The following KIAA1217 variants were observed in gnomAD, a reference collection of about 807,000 sequenced individuals.
The protein encoded by KIAA1217 is KIAA1217.
KIAA1217 carries 88 observed loss-of-function variants against 163.9 expected under a neutral mutation model. The observed-to-expected ratio is 0.54, with a 90% confidence interval of 0.45 to 0.64. KIAA1217 has a LOEUF of 0.64. Ranked by LOEUF, KIAA1217 falls within the 30% of genes least tolerant of loss-of-function variation. KIAA1217 has a pLI of 0.00. For missense variants in KIAA1217, 2,372 were observed against 2,475.0 expected (o/e 0.96, Z 0.88); for synonymous variants, 903 against 923.1 (o/e 0.98, Z 0.39).
chr10:23,751,404 G>A (rs184677333), intron 1 of KIAA1217, among the ~76,000 whole-genome samples: 95 of 152,242 alleles, frequency 6.2e-4, no homozygotes, highest in African/African-American at 2.1e-3. Flanking sequence ...ATTCAATCAC[G>A]TATTTTAATA....
At chr10:23,882,486 T>C (rs1248459675) in intron 1 of KIAA1217, among the ~76,000 whole-genome samples, 1 of 151,946 alleles carries the variant, frequency 6.6e-6, no homozygotes, top group East Asian at 1.9e-4. Context: ...AACACGGTTT[T>C]ACACTCCCTC....
At chr10:23,719,874 A>T (rs1837773182) in intron 1 of KIAA1217, among the ~76,000 whole-genome samples, 1 of 152,102 alleles carries the variant, frequency 6.6e-6, no homozygotes, top group South Asian at 2.1e-4. Flanking sequence ...AGATCGCGCC[A>T]CTGCACTCCA....
chr10:23,926,431 G>C (rs1400966938), intron 1 of KIAA1217, among the ~76,000 whole-genome samples: 4 of 152,158 alleles, frequency 2.6e-5, no homozygotes, highest in East Asian at 1.9e-4. Context: ...CATTAGTCCT[G>C]TTTCAAAGGT....
At chr10:23,721,946 C>T (rs1036355813) in intron 1 of KIAA1217, among the ~76,000 whole-genome samples, 1 of 151,608 alleles carries the variant, frequency 6.6e-6, no homozygotes, top group Non-Finnish European at 1.5e-5. Flanking sequence ...TCCAAGTGTC[C>T]CATTGATGGA....
chr10:24,097,168 G>A (rs2062197579), intron 2 of KIAA1217, among the ~76,000 whole-genome samples: 1 of 152,192 alleles, frequency 6.6e-6, no homozygotes, highest in South Asian at 2.1e-4. Context: ...ATATAGCCTG[G>A]ATTAGAATGG....
Position 24,466,858 on chromosome 10 carries a change from C to T in KIAA1217, c.847-6370C>T, listed in dbSNP as rs1487440272. Reference sequence around the variant, plus strand: ...ATTCCATTTCAGTTTTCTCTGCTTACTTCATTGTGTGGTCTGATTGAGTGG... The same window carrying T: ...ATTCCATTTCAGTTTTCTCTGCTTATTTCATTGTGTGGTCTGATTGAGTGG... On this transcript the variant is annotated intron_variant, in intron 5 of 20. Transcript: ENST00000376454. 7 of 900,788 alleles carry T rather than the reference C, an allele frequency of 7.8e-6. No homozygotes were observed. The African/African-American group carries it at 9.0e-5, about 12-fold the overall frequency. 55.8% of individuals were successfully genotyped at this position (900,788 alleles called of 1,614,324 possible).
chr10:23,985,405 C>A (rs1180102006), intron 1 of KIAA1217, among the ~76,000 whole-genome samples: 2 of 152,170 alleles, frequency 1.3e-5, no homozygotes, highest in African/African-American at 4.8e-5. Context: ...ATTCTGCCAA[C>A]CTTTTGCCTC....
chr10:24,485,827 C>T (rs1315813333), intron 6 of KIAA1217, among the ~76,000 whole-genome samples: 1 of 152,192 alleles, frequency 6.6e-6, no homozygotes, highest in Non-Finnish European at 1.5e-5. Context: ...GGTTAAGGAG[C>T]GGAGACCCAG....
chr10:23,790,132 T>A (rs1305365851), intron 1 of KIAA1217, among the ~76,000 whole-genome samples: 1 of 81,932 alleles, frequency 1.2e-5, no homozygotes, highest in East Asian at 3.3e-4. Context: ...TATACACATA[T>A]GCATATACAC....
At position 24,167,284 on chromosome 10, in the gene KIAA1217, CGTGTGTGTGT is replaced by C. The variant is rs35255558; in HGVS notation, c.-170-52319_-170-52310del. On this transcript the variant is annotated intron_variant, in intron 2 of 18. Coordinates refer to the KIAA1217 transcript ENST00000376462. ...ATTAGAAAGGTTTGGTGTGTATGTGCGTGTGTGTGTGTGTGTGTGTGTGTGTGTGTGTTAC... is the reference window on the plus strand; with the variant it reads ...ATTAGAAAGGTTTGGTGTGTATGTGCGTGTGTGTGTGTGTGTGTGTGTTAC... 3.6e-3 allele frequency among the ~76,000 whole-genome samples: 532 copies of C among 148,326 alleles called. 1 individual carries two copies. The highest frequency in any genetic ancestry group is 0.012 in the African/African-American group (477 of 40,414).
intron 1 of KIAA1217, among the ~76,000 whole-genome samples, chr10:23,923,350 CTG>C (rs138844496): frequency 0.021 from 3,187 of 152,292 alleles, 62 homozygotes; most frequent in Admixed American, 0.064. Flanking sequence ...AATAAGAACT[CTG>C]TGCTCCGAAT....
intron 5 of KIAA1217, among the ~76,000 whole-genome samples, chr10:24,466,249 T>G (rs1353831141): frequency 6.6e-6 from 1 of 152,142 alleles, no homozygotes; most frequent in African/African-American, 2.4e-5. Context: ...TTGAGTATGT[T>G]GGGTTTTTTG....
At chr10:23,750,910 C>T (rs1448177602) in intron 1 of KIAA1217, among the ~76,000 whole-genome samples, 2 of 152,002 alleles carry the variant, frequency 1.3e-5, no homozygotes, top group Non-Finnish European at 2.9e-5. Flanking sequence ...ATTTTCTACT[C>T]ATGATGTGCT....
At chr10:24,240,739 A>C (rs2072971705) in intron 2 of KIAA1217, among the ~76,000 whole-genome samples, 1 of 152,194 alleles carries the variant, frequency 6.6e-6, no homozygotes, top group South Asian at 2.1e-4. Context: ...TCCAAATGTT[A>C]ATGATTGTTT....
At chr10:23,787,937 A>G (rs186757770) in intron 1 of KIAA1217, among the ~76,000 whole-genome samples, 3 of 152,206 alleles carry the variant, frequency 2.0e-5, no homozygotes, top group Admixed American at 2.0e-4. Context: ...GCTCACACCT[A>G]TAATCCCAGG....
rs774563426 is a variant in KIAA1217 at position 24,528,050 on chromosome 10, C to G, written c.3013C>G (p.Leu1005Val). Residue 1005 changes from leucine to valine, a missense_variant, in exon 14 of 21, where the codon CTG (leucine) becomes GTG (valine). Coordinates refer to ENST00000376454, the MANE Select transcript of KIAA1217 (RefSeq NM_019590.5). ...CAATATCATGAAGTCAATACCAAAT[C>G]TGGAGATGCCGCCAGCCACAGGCCC... ...QANIMKSIPN[L>V]EMPPATGPLP... 6.2e-7 allele frequency: 1 copy of G among 1,614,206 alleles called. No individual in the cohort carries two copies. The highest frequency in any genetic ancestry group is 8.5e-7 in the Non-Finnish European group (1 of 1,180,022).
At chr10:23,769,041 G>A (rs964583785) in intron 1 of KIAA1217, among the ~76,000 whole-genome samples, 1 of 152,172 alleles carries the variant, frequency 6.6e-6, no homozygotes, top group African/African-American at 2.4e-5. Flanking sequence ...TAAGACAGGG[G>A]AATTGCAATA....
At chr10:23,711,695 G>A (rs1456708413) in intron 1 of KIAA1217, among the ~76,000 whole-genome samples, 1 of 152,168 alleles carries the variant, frequency 6.6e-6, no homozygotes, top group Non-Finnish European at 1.5e-5. Flanking sequence ...GAAAGTGAAG[G>A]ACAAAGTAAC....
intron 2 of KIAA1217, among the ~76,000 whole-genome samples, chr10:24,375,160 A>G (rs1007162791): frequency 6.6e-6 from 1 of 152,182 alleles, no homozygotes; most frequent in Admixed American, 6.5e-5. Flanking sequence ...GTGGTGGCCA[A>G]CTGGAGGAAG....
Sources: gnomAD v4.1 joint callset for allele counts (sites outside exome capture counted in the v4.1 genomes callset) on GRCh38, gnomAD v4.1.1 for gene constraint, MANE v1.5 for transcripts, NCBI Gene and HGNC (gene_info 2026-07-23, HGNC 2026-07-21) for gene names.